Variants in IL15 observed in about 807,000 individuals in gnomAD.
IL15 encodes interleukin 15.
IL15 carries 11 observed loss-of-function variants against 19.6 expected under a neutral mutation model. That is an observed-to-expected ratio of 0.56 (90% CI 0.35 to 0.93). The LOEUF (loss-of-function observed/expected upper bound fraction) is 0.93. Among genes scored for constraint, IL15 ranks in the 40% least tolerant of loss-of-function variants. IL15 has a pLI of 0.01. For synonymous variants in IL15, 58 were observed against 59.6 expected (o/e 0.97, Z 0.12); for missense variants, 197 against 186.5 (o/e 1.06, Z -0.33).
intron 2 of IL15, among the ~76,000 whole-genome samples, chr4:141,704,374 C>T (rs2152183102): frequency 6.6e-6 from 1 of 152,208 alleles, no homozygotes; most frequent in East Asian, 1.9e-4. Flanking sequence ...GCTTACCATG[C>T]TTGCATCTCT....
intron 2 of IL15, among the ~76,000 whole-genome samples, chr4:141,700,498 A>G (rs560095033): frequency 6.6e-6 from 1 of 152,246 alleles, no homozygotes; most frequent in African/African-American, 2.4e-5. Context: ...TCTGCTGTTA[A>G]TCTGATAGGT....
chr4:141,679,333 T>G (rs1728460392), intron 2 of IL15, among the ~76,000 whole-genome samples: 1 of 152,226 alleles, frequency 6.6e-6, no homozygotes, highest in African/African-American at 2.4e-5. Context: ...GTTTGACCAC[T>G]AAGAAATTTG....
At chr4:141,641,714 A>G (rs1727050688) in intron 1 of IL15, among the ~76,000 whole-genome samples, 1 of 141,518 alleles carries the variant, frequency 7.1e-6, no homozygotes, top group African/African-American at 2.6e-5. Context: ...GGGGGGAGGG[A>G]TAGCATTAGG....
intron 2 of IL15, among the ~76,000 whole-genome samples, chr4:141,700,474 T>C (rs544965529): frequency 6.6e-6 from 1 of 152,304 alleles, no homozygotes; most frequent in African/African-American, 2.4e-5. Context: ...GCTTGCAAGG[T>C]TTCTGATGAG....
In IL15 at chr4:141,732,795, G is replaced by C. The variant is rs1730493555; in HGVS notation, c.436G>C (p.Glu146Gln). 1 of 1,612,722 alleles carries C rather than the reference G, an allele frequency of 6.2e-7. No individual in the cohort carries two copies. Among genetic ancestry groups the C allele is most frequent in the Middle Eastern group, 1.7e-4 (1 of 6,052 alleles). ...CEELEEKNIK[E>Q]FLQSFVHIVQ... The stretch of plus-strand genomic sequence containing the variant: ...GGAACTGGAGGAAAAAAATATTAAA[G>C]AATTTTTGCAGAGTTTTGTACATAT... Residue 146 changes from glutamate to glutamine, a missense_variant, in exon 8 of 8, where the codon GAA becomes CAA. Coordinates refer to ENST00000320650, the MANE Select transcript of IL15 (RefSeq NM_000585.5).
At chr4:141,669,221 A>G (rs1728091892) in intron 2 of IL15, among the ~76,000 whole-genome samples, 1 of 152,198 alleles carries the variant, frequency 6.6e-6, no homozygotes, top group South Asian at 2.1e-4. Flanking sequence ...TTAGGAGGCT[A>G]AATGAAAAAT....
At chr4:141,696,358 A>G (rs1729094878) in intron 2 of IL15, among the ~76,000 whole-genome samples, 1 of 152,044 alleles carries the variant, frequency 6.6e-6, no homozygotes, top group Non-Finnish European at 1.5e-5. Context: ...TTCAGGTAGT[A>G]TGAAGAACCT....
At chr4:141,660,702 T>C (rs771891692) in intron 2 of IL15, among the ~76,000 whole-genome samples, 4 of 152,226 alleles carry the variant, frequency 2.6e-5, no homozygotes, top group Non-Finnish European at 5.9e-5. Flanking sequence ...TTAATGTGTA[T>C]ATAATACTCT....
At chr4:141,706,530 C>T (rs886910217) in intron 2 of IL15, among the ~76,000 whole-genome samples, 2 of 151,974 alleles carry the variant, frequency 1.3e-5, no homozygotes, top group African/African-American at 2.4e-5. Context: ...TATTTTCACA[C>T]GTTTTTATTA....
chr4:141,659,144 C>G (rs372099027), intron 2 of IL15, among the ~76,000 whole-genome samples: 67 of 149,598 alleles, frequency 4.5e-4, no homozygotes, highest in African/African-American at 1.5e-3. Flanking sequence ...CCACTGTCCC[C>G]GGCCTGTTTT....
intron 2 of IL15, among the ~76,000 whole-genome samples, chr4:141,670,954 T>A (rs553981221): frequency 6.6e-6 from 1 of 152,328 alleles, no homozygotes; most frequent in East Asian, 1.9e-4. Flanking sequence ...TGGGCTCATG[T>A]ATGCATTGCA....
At chr4:141,681,686 C>T (rs1235992564) in intron 2 of IL15, among the ~76,000 whole-genome samples, 2 of 152,124 alleles carry the variant, frequency 1.3e-5, no homozygotes, top group East Asian at 1.9e-4. Context: ...TATATTTCTA[C>T]TGGAAAACTA....
At chr4:141,732,009 G>A (rs1199503895) in intron 7 of IL15, among the ~76,000 whole-genome samples, 1 of 152,024 alleles carries the variant, frequency 6.6e-6, no homozygotes, top group East Asian at 1.9e-4. Flanking sequence ...TAAATGCTAG[G>A]GAAACAAACA....
chr4:141,727,120 A>G (rs1306353852), intron 5 of IL15, among the ~76,000 whole-genome samples: 1 of 152,158 alleles, frequency 6.6e-6, no homozygotes, highest in Non-Finnish European at 1.5e-5. Flanking sequence ...TTAATATATG[A>G]TGATGGGTGG....
intron 2 of IL15, among the ~76,000 whole-genome samples, chr4:141,709,045 TATTGAAAATTTTC>T (rs1729620110): frequency 6.9e-6 from 1 of 145,314 alleles, no homozygotes. Flanking sequence ...TATTATTCAA[TATTGAAAATTTTC>T]AATATTATTC....
chr4:141,662,687 A>C (rs1043942606), intron 2 of IL15, among the ~76,000 whole-genome samples: 1 of 151,990 alleles, frequency 6.6e-6, no homozygotes. Context: ...TTACCGATGT[A>C]TTTGTGTTTG....
chr4:141,681,471 G>T (rs1728530067), intron 2 of IL15, among the ~76,000 whole-genome samples: 1 of 152,108 alleles, frequency 6.6e-6, no homozygotes, highest in African/African-American at 2.4e-5. Flanking sequence ...GTCCAGACAG[G>T]CTGCTTCACT....
chr4:141,638,740 A>T (rs935094145), intron 1 of IL15, among the ~76,000 whole-genome samples: 2 of 152,188 alleles, frequency 1.3e-5, no homozygotes, highest in African/African-American at 4.8e-5. Flanking sequence ...TCCATCTCAG[A>T]TTTGCTGCCT....
At chr4:141,730,682 A>G (rs1730423077) in intron 7 of IL15, among the ~76,000 whole-genome samples, 1 of 152,206 alleles carries the variant, frequency 6.6e-6, no homozygotes, top group African/African-American at 2.4e-5. Context: ...AGCAAATTCT[A>G]GGTACTCGTA....
Sources: allele counts gnomAD v4.1 joint callset (sites outside exome capture counted in the v4.1 genomes callset), GRCh38; gene constraint gnomAD v4.1.1; transcripts MANE v1.5; gene names NCBI Gene and HGNC (gene_info 2026-07-23, HGNC 2026-07-21).